LETMD1: variants seen among roughly 807,000 people sequenced by gnomAD.
LETMD1 encodes LETM1 domain containing 1.
In LETMD1, 30 loss-of-function variants were observed where a neutral mutation model predicts 43.9. That is an observed-to-expected ratio of 0.68 (90% CI 0.51 to 0.93). The LOEUF (loss-of-function observed/expected upper bound fraction) is 0.93. LETMD1 is among the 40% of genes least tolerant of loss of function. The pLI, the probability that LETMD1 is intolerant of heterozygous loss-of-function variation, is 0.00. For synonymous variants in LETMD1, 176 were observed against 163.1 expected (o/e 1.08, Z -0.60); for missense variants, 413 against 447.7 (o/e 0.92, Z 0.70).
At chr12:51,067,887 T>A in the LETMD1 span, 1 of 1,614,174 alleles carries the variant, frequency 6.2e-7, no homozygotes, top group South Asian at 1.1e-5. The surrounding 1 kb of genome is among the most constrained non-coding windows in gnomAD (Gnocchi z 4.1). Flanking sequence ...CTCCACATTT[T>A]CCACATCAAT....
chr12:51,048,345 C>T lies in LETMD1; in HGVS notation c.-12C>T. On this transcript the variant is annotated 5_prime_UTR_variant, in exon 1 of 9. Coordinates refer to ENST00000262055, the MANE Select transcript of LETMD1 (RefSeq NM_015416.5). ...AGACAACCTCTTCTCTCCCGCTTCT[C>T]TCGCTGTGAAGATGGCGCTCTCCAG... is the stretch of plus-strand genomic sequence containing the variant. 2 of 1,614,112 alleles carry T rather than the reference C, an allele frequency of 1.2e-6. No individual in the cohort carries two copies. The highest frequency in any genetic ancestry group is 1.6e-4 in the Middle Eastern group (1 of 6,062).
rs1188264667 is a variant in LETMD1 at position 51,059,513 on chromosome 12, T to G, written c.*82T>G. 2.5e-6 allele frequency: 3 copies of G among 1,214,858 alleles called. No homozygotes were observed. Among genetic ancestry groups the G allele is most frequent in the Non-Finnish European group, 3.7e-6 (3 of 819,842 alleles). 75.3% of individuals were successfully genotyped at this position (1,214,858 alleles called of 1,614,324 possible). A position where few individuals can be genotyped will look rare whatever the true frequency, so the allele number is the denominator to read the frequency against. On this transcript the variant is annotated 3_prime_UTR_variant, in exon 9 of 9. Transcript: ENST00000262055. ...ACAAACAGCACTTGCCAGCAAAGTC[T>G]GTGTGTACTGTTAAGTGTGTGGGAG...
chr12:51,055,730 C>A, intron 4 of LETMD1, 105 bp from the exon 5 acceptor site: 1 of 549,234 alleles, frequency 1.8e-6, no homozygotes, highest in Non-Finnish European at 3.2e-6. Flanking sequence ...GAAATAGTGT[C>A]TCCATCTCTT....
intron 4 of LETMD1, among the ~76,000 whole-genome samples, chr12:51,055,165 AGATT>A (rs1181643790): frequency 5.3e-5 from 8 of 152,140 alleles, no homozygotes; most frequent in Admixed American, 5.2e-4. Context: ...TGCTATAGTT[AGATT>A]GTCAACATCA....
At chr12:51,056,690 T>TAGAGACTAGA in intron 7 of LETMD1, 188 bp downstream of exon 7, 1 of 495,820 alleles carries the variant, frequency 2.0e-6, no homozygotes, top group Non-Finnish European at 3.4e-6. Context: ...AGTCTCATTC[T>TAGAGACTAGA]GTTGCCCAGG....
chr12:51,066,225 C>T, the LETMD1 span, among the ~76,000 whole-genome samples: 2,180 of 152,254 alleles, frequency 0.014, 26 homozygotes, highest in Non-Finnish European at 0.022. Flanking sequence ...GAGGCTGAGG[C>T]AGGCGGATCA....
intron 2 of LETMD1, among the ~76,000 whole-genome samples, chr12:51,050,268 G>C (rs1198662412): frequency 6.6e-6 from 1 of 150,980 alleles, no homozygotes; most frequent in African/African-American, 2.4e-5. Flanking sequence ...TGTCGCCCAG[G>C]CTGGAGTGCA....
chr12:51,055,768 C>A, intron 4 of LETMD1, 67 bp from the exon 5 acceptor site: 1 of 1,110,340 alleles, frequency 9.0e-7, no homozygotes, highest in Non-Finnish European at 1.3e-6. Flanking sequence ...CTACCAAATG[C>A]TTTCTTTGGC....
At position 51,058,028 on chromosome 12, in the gene LETMD1, A is replaced by G; in HGVS notation, c.916-4A>G. 1 of 1,594,534 alleles carries G rather than the reference A, an allele frequency of 6.3e-7. No homozygotes were observed. Among genetic ancestry groups the G allele is most frequent in the Non-Finnish European group, 8.6e-7 (1 of 1,162,174 alleles). On this transcript the variant is annotated splice_polypyrimidine_tract_variant and splice_region_variant and intron_variant, in intron 7 of 8. Coordinates refer to ENST00000262055, the MANE Select transcript of LETMD1 (RefSeq NM_015416.5). ...AAGGACCATTTCTGTTCTGAGTGGTATAGGCTTGTTATCTCCGTGGCCTGA... is the reference window on the plus strand; with the variant it reads ...AAGGACCATTTCTGTTCTGAGTGGTGTAGGCTTGTTATCTCCGTGGCCTGA...
At chr12:51,058,969 T>A (rs1233564197) in intron 8 of LETMD1, 2 of 265,650 alleles carry the variant, frequency 7.5e-6, no homozygotes, top group Non-Finnish European at 1.5e-5. Context: ...TGTATTAGGC[T>A]TGTTTGCCCC....
the LETMD1 span, among the ~76,000 whole-genome samples, chr12:51,066,213 G>A: frequency 6.6e-6 from 1 of 152,180 alleles, no homozygotes; most frequent in Admixed American, 6.5e-5. Flanking sequence ...CCAGCACTTT[G>A]GGAGGCTGAG....
chr12:51,048,343 C>G lies in LETMD1; in HGVS notation c.-14C>G, dbSNP rs753457634. The G allele has an allele frequency of 1.1e-4, 182 of 1,613,998 alleles. 1 individual carries two copies. The East Asian group carries it at 4.0e-3, about 35-fold the overall frequency. On this transcript the variant is annotated 5_prime_UTR_variant, in exon 1 of 9. Transcript: ENST00000262055. The stretch of plus-strand genomic sequence containing the variant: ...AAAGACAACCTCTTCTCTCCCGCTT[C>G]TCTCGCTGTGAAGATGGCGCTCTCC...
chr12:51,058,011 T>C, intron 7 of LETMD1, 21 bp from the exon 8 acceptor site: 2 of 1,442,430 alleles, frequency 1.4e-6, no homozygotes, highest in African/African-American at 1.4e-5. Flanking sequence ...TTAAGGACCA[T>C]TTCTGTTCTG....
chr12:51,054,044 C>T (rs1023227303), intron 4 of LETMD1, among the ~76,000 whole-genome samples, 184 bp downstream of exon 4: 4 of 152,100 alleles, frequency 2.6e-5, no homozygotes, highest in Admixed American at 6.5e-5. Flanking sequence ...TGTGACACAT[C>T]ACAGCTATAA....
chr12:51,048,332 C>G lies in LETMD1; in HGVS notation c.-25C>G, dbSNP rs1944888285. The stretch of plus-strand genomic sequence containing the variant: ...AACTTTGACCCAAAGACAACCTCTT[C>G]TCTCCCGCTTCTCTCGCTGTGAAGA... On this transcript the variant is annotated 5_prime_UTR_variant, in exon 1 of 9. Transcript: ENST00000262055. 1.2e-6 allele frequency: 2 copies of G among 1,614,054 alleles called. No individual in the cohort carries two copies. Among genetic ancestry groups the G allele is most frequent in the African/African-American group, 2.7e-5 (2 of 75,036 alleles).
chr12:51,066,402 G>A, the LETMD1 span, among the ~76,000 whole-genome samples: 1 of 148,254 alleles, frequency 6.7e-6, no homozygotes, highest in East Asian at 2.0e-4. Flanking sequence ...GCAGCGAGCC[G>A]AGATCACGCG....
Position 51,055,832 on chromosome 12 carries a change from C to G in LETMD1, c.474-3C>G, listed in dbSNP as rs1354699022. The stretch of plus-strand genomic sequence containing the variant: ...GTGAGTTTGTGATTCTTTCTCCTTT[C>G]AGGTACCTGTTTCCCAGGCAACTAC... On this transcript the variant is annotated splice_polypyrimidine_tract_variant and splice_region_variant and intron_variant, in intron 4 of 8. Transcript: ENST00000262055. 3 of 1,590,558 alleles carry G rather than the reference C, an allele frequency of 1.9e-6. No individual in the cohort carries two copies. Among genetic ancestry groups the G allele is most frequent in the Non-Finnish European group, 2.6e-6 (3 of 1,168,534 alleles).
At position 51,058,144 on chromosome 12, in the gene LETMD1, G is replaced by A; in HGVS notation, c.1012+16G>A. On this transcript the variant is annotated intron_variant, in intron 8 of 8. Transcript: ENST00000262055. ...AGCCTGAAAGGTAAAACACATTTCT[G>A]TGGTTATACCACTAAAATCCAAGTC... The A allele has an allele frequency of 6.6e-7, 1 of 1,512,618 alleles. No homozygotes were observed. The highest frequency in any genetic ancestry group is 9.2e-7 in the Non-Finnish European group (1 of 1,087,330). 93.7% of individuals were successfully genotyped at this position (1,512,618 alleles called of 1,614,324 possible).
chr12:51,054,949 T>TA (rs971753538), intron 4 of LETMD1, among the ~76,000 whole-genome samples: 5 of 152,092 alleles, frequency 3.3e-5, no homozygotes, highest in African/African-American at 1.2e-4. Flanking sequence ...AAATACAAAA[T>TA]ACTAGCTAGG....
Sources: allele counts gnomAD v4.1 joint callset (sites outside exome capture counted in the v4.1 genomes callset), GRCh38; gene constraint gnomAD v4.1.1; non-coding constraint Gnocchi (gnomAD v3.1); transcripts MANE v1.5; gene names NCBI Gene and HGNC (gene_info 2026-07-23, HGNC 2026-07-21).